The following SLIT2 variants were observed in gnomAD, a reference collection of about 807,000 sequenced individuals.
The protein encoded by SLIT2 is slit guidance ligand 2, also known as slit homolog 2 protein.
Under a neutral mutation model 185.7 loss-of-function variants are expected in SLIT2, and 41 were observed. The ratio of observed to expected loss-of-function variants is 0.22; its 90% CI spans 0.17 to 0.29. The LOEUF is 0.29. SLIT2 is among the 10% of genes least tolerant of loss of function. The probability of loss-of-function intolerance (pLI) is 1.00; values close to 1 mark genes in which losing one functional copy is unlikely to be tolerated. For missense variants in SLIT2, 1,571 were observed against 1,909.0 expected, an observed-to-expected ratio of 0.82 and a Z score of 3.30; for synonymous variants, 693 against 680.2, an observed-to-expected ratio of 1.02 and a Z score of -0.29.
chr4:20,359,137 T>C (rs1031531843), intron 4 of SLIT2, among the ~76,000 whole-genome samples: 1 of 152,138 alleles, frequency 6.6e-6, no homozygotes, highest in Non-Finnish European at 1.5e-5. Flanking sequence ...AAAACGTCTT[T>C]ATAGTCCACT....
chr4:20,543,059 A>G (rs779420601), intron 21 of SLIT2, among the ~76,000 whole-genome samples: 3 of 151,982 alleles, frequency 2.0e-5, no homozygotes, highest in Admixed American at 1.3e-4. Context: ...AGTCTAGGAT[A>G]TTCTGTACAG....
At chr4:20,389,037 A>G (rs1725198337) in intron 4 of SLIT2, among the ~76,000 whole-genome samples, 1 of 149,788 alleles carries the variant, frequency 6.7e-6, no homozygotes, top group Non-Finnish European at 1.5e-5. Flanking sequence ...TAGTTAGTTC[A>G]CCATAGTTTA....
intron 29 of SLIT2, among the ~76,000 whole-genome samples, chr4:20,586,717 AAC>A (rs1361927863): frequency 2.6e-5 from 4 of 152,350 alleles, no homozygotes; most frequent in African/African-American, 7.2e-5. Context: ...GGCATAGTCA[AAC>A]ACAATATAAA....
At chr4:20,444,305 G>A (rs1457074858) in intron 4 of SLIT2, among the ~76,000 whole-genome samples, 2 of 152,072 alleles carry the variant, frequency 1.3e-5, no homozygotes, top group Non-Finnish European at 2.9e-5. Context: ...AATTATTGGG[G>A]CCCAGCTGAA....
chr4:20,560,410 A>C (rs1553839750), intron 26 of SLIT2, among the ~76,000 whole-genome samples: 1 of 152,018 alleles, frequency 6.6e-6, no homozygotes, highest in Non-Finnish European at 1.5e-5. Flanking sequence ...ATAAATGAAC[A>C]GGAAGAAATT....
rs556267138 is a variant in SLIT2, at chr4:20,457,440, T to G, written c.396-10312T>G. ...CAATTAAAAGACATCATGTGAATAT[T>G]CCAAGCAGAGAGAGAAGCATGTGCA... is the stretch of plus-strand genomic sequence containing the variant. On this transcript the variant is annotated intron_variant, in intron 4 of 36. Transcript: ENST00000504154. Among the ~76,000 whole-genome samples, 8 of 152,004 alleles carry G rather than the reference T, an allele frequency of 5.3e-5. No individual in the cohort carries two copies. The South Asian group carries it at 1.7e-3, about 32-fold the overall frequency.
At chr4:20,545,010 A>C (rs1723129012) in intron 21 of SLIT2, among the ~76,000 whole-genome samples, 1 of 152,146 alleles carries the variant, frequency 6.6e-6, no homozygotes, top group East Asian at 1.9e-4. Context: ...ATCAAACATT[A>C]ATTATATTTT....
At chr4:20,442,429 C>T (rs556814571) in intron 4 of SLIT2, among the ~76,000 whole-genome samples, 9 of 142,360 alleles carry the variant, frequency 6.3e-5, no homozygotes, top group Non-Finnish European at 1.2e-4. Flanking sequence ...GAAGCTGAGG[C>T]GGGAGAATGG....
At chr4:20,368,569 A>C (rs541992772) in intron 4 of SLIT2, among the ~76,000 whole-genome samples, 1 of 152,264 alleles carries the variant, frequency 6.6e-6, no homozygotes, top group East Asian at 1.9e-4. Context: ...AATTGTAGTC[A>C]TGTAAAAATT....
intron 5 of SLIT2, among the ~76,000 whole-genome samples, chr4:20,468,862 T>G (rs1714652858): frequency 6.6e-6 from 1 of 151,750 alleles, no homozygotes; most frequent in African/African-American, 2.4e-5. Context: ...TTTTTTTTTT[T>G]TCAGTAGCAA....
At chr4:20,610,945 C>T (rs61790713) in intron 34 of SLIT2, among the ~76,000 whole-genome samples, 19,242 of 151,978 alleles carry the variant, frequency 0.13, 1,245 homozygotes, top group Middle Eastern at 0.14. Flanking sequence ...GGAGAGGACC[C>T]GCAAAGGAGA....
At chr4:20,268,762 T>C (rs540052874) in intron 3 of SLIT2, 48 bp from the exon 4 acceptor site, 3 of 1,139,868 alleles carry the variant, frequency 2.6e-6, no homozygotes, top group African/African-American at 1.5e-5. Flanking sequence ...AGTCTCATTG[T>C]TGGGTATTTT....
At chr4:20,431,515 A>G (rs886163318) in intron 4 of SLIT2, among the ~76,000 whole-genome samples, 14 of 152,152 alleles carry the variant, frequency 9.2e-5, no homozygotes, top group African/African-American at 2.9e-4. Flanking sequence ...GCTCTTTAAC[A>G]TCGACTCTGA....
intron 4 of SLIT2, among the ~76,000 whole-genome samples, chr4:20,378,319 G>A (rs1724203837): frequency 6.6e-6 from 1 of 152,086 alleles, no homozygotes; most frequent in South Asian, 2.1e-4. Context: ...ATGTAAACAG[G>A]ATATGACATT....
chr4:20,593,018 G>A (rs1560222238), intron 30 of SLIT2, among the ~76,000 whole-genome samples: 1 of 152,108 alleles, frequency 6.6e-6, no homozygotes, highest in East Asian at 1.9e-4. Flanking sequence ...AGCATTTTCA[G>A]ACAAAACCTT....
rs1156714844 is a variant in SLIT2, at chr4:20,467,777, G to A, written c.421G>A (p.Ala141Thr). 1.9e-6 allele frequency: 3 copies of A among 1,596,856 alleles called. No homozygotes were observed. Among genetic ancestry groups the A allele is most frequent in the Admixed American group, 1.7e-5 (1 of 58,892 alleles). The change falls in exon 5 of 37, where the codon GCA (alanine) becomes ACA (threonine). Residue 141 changes from alanine (A) to threonine (T), a missense_variant. By Grantham distance (58) the Ala-to-Thr change is moderately conservative (BLOSUM62 0). Around this residue, in one of 3 missense-constraint regions of SLIT2, gnomAD observed 1,202 missense variants for 1,416.4 expected, o/e 0.85. Transcript: ENST00000504154. Reference protein sequence around the residue: ...RLDLSENQIQAIPRKAFRGAV... With the variant: ...RLDLSENQIQTIPRKAFRGAV... ...TGATCTCAGTGAAAACCAAATTCAG[G>A]CAATCCCAAGGAAAGCTTTCCGTGG...
intron 4 of SLIT2, among the ~76,000 whole-genome samples, chr4:20,465,242 C>T (rs1714206069): frequency 6.6e-6 from 1 of 152,154 alleles, no homozygotes; most frequent in Non-Finnish European, 1.5e-5. Flanking sequence ...AACAATTTGT[C>T]TCATTGTTTA....
chr4:20,267,770 C>G (rs530501444), intron 3 of SLIT2, among the ~76,000 whole-genome samples: 1 of 151,776 alleles, frequency 6.6e-6, no homozygotes, highest in Non-Finnish European at 1.5e-5. Flanking sequence ...TTGATATGCC[C>G]TCTTTTCCTG....
At chr4:20,476,648 G>A (rs76323519) in intron 5 of SLIT2, among the ~76,000 whole-genome samples, 6,502 of 152,132 alleles carry the variant, frequency 0.043, 270 homozygotes, top group East Asian at 0.15. Flanking sequence ...CTTATAACTT[G>A]GATGCTGCAG....
Sources: allele counts gnomAD v4.1 joint callset (sites outside exome capture counted in the v4.1 genomes callset), GRCh38; gene constraint gnomAD v4.1.1; regional missense constraint gnomAD v4.1.1; transcripts MANE v1.5; gene names NCBI Gene and HGNC (gene_info 2026-07-23, HGNC 2026-07-21).